Variants in TMEM117 observed in about 807,000 individuals in gnomAD.
The protein encoded by TMEM117 is transmembrane protein 117.
TMEM117 carries 27 observed loss-of-function variants against 52.4 expected under a neutral mutation model. That is an observed-to-expected ratio of 0.51 (90% CI 0.38 to 0.71). TMEM117 has a LOEUF of 0.71. Ranked by LOEUF, TMEM117 falls within the 30% of genes least tolerant of loss-of-function variation. The pLI, the probability that TMEM117 is intolerant of heterozygous loss-of-function variation, is 0.00. For synonymous variants in TMEM117, 215 were observed against 206.3 expected (o/e 1.04, Z -0.36); for missense variants, 556 against 630.5 (o/e 0.88, Z 1.26).
chr12:43,802,375 G>T, the TMEM117 span: 1 of 1,605,608 alleles, frequency 6.2e-7, no homozygotes, highest in South Asian at 1.1e-5. Flanking sequence ...TAGCATGGTT[G>T]TTTGTCCTCC....
intron 3 of TMEM117, among the ~76,000 whole-genome samples, chr12:44,064,162 A>G (rs1455661258): frequency 6.6e-6 from 1 of 152,172 alleles, no homozygotes; most frequent in Non-Finnish European, 1.5e-5. Flanking sequence ...GACAGACTTC[A>G]GGAATCAAAC....
chr12:44,185,943 A>G (rs1334833415), intron 4 of TMEM117, among the ~76,000 whole-genome samples: 1 of 150,706 alleles, frequency 6.6e-6, no homozygotes, highest in East Asian at 1.9e-4. Flanking sequence ...TAGTGTTATT[A>G]TTAGTGCCTT....
intron 3 of TMEM117, among the ~76,000 whole-genome samples, chr12:44,024,938 T>C (rs764294445): frequency 3.9e-5 from 6 of 152,116 alleles, no homozygotes; most frequent in Non-Finnish European, 7.4e-5. Flanking sequence ...CGCCTTCATC[T>C]ATTCCTAAGT....
intron 3 of TMEM117, among the ~76,000 whole-genome samples, chr12:43,997,077 A>G (rs1946043890): frequency 6.6e-6 from 1 of 152,206 alleles, no homozygotes. Flanking sequence ...GTGGCATTTT[A>G]CAAAATGTTC....
intron 3 of TMEM117, among the ~76,000 whole-genome samples, chr12:43,959,053 C>T (rs1247135672): frequency 1.3e-5 from 2 of 152,076 alleles, no homozygotes; most frequent in African/African-American, 2.4e-5. Context: ...GTGATCCGCC[C>T]GCCTTGGCCT....
chr12:44,086,360 C>T (rs1050086810), intron 3 of TMEM117, among the ~76,000 whole-genome samples: 6 of 151,776 alleles, frequency 4.0e-5, no homozygotes, highest in Admixed American at 2.6e-4. Flanking sequence ...ACTACAGGTG[C>T]GTGCCACCAC....
chr12:44,052,015 T>C (rs2137927981), intron 3 of TMEM117, among the ~76,000 whole-genome samples: 1 of 152,352 alleles, frequency 6.6e-6, no homozygotes, highest in Middle Eastern at 3.4e-3. Context: ...GTAAGCTATT[T>C]CATTTCTTTA....
intron 3 of TMEM117, among the ~76,000 whole-genome samples, chr12:44,079,144 T>C (rs1036616938): frequency 5.3e-5 from 8 of 152,138 alleles, no homozygotes; most frequent in Admixed American, 1.3e-4. Context: ...TTCAAGTCTT[T>C]GCTATTGTGA....
At chr12:43,924,679 A>G (rs906431262) in intron 2 of TMEM117, among the ~76,000 whole-genome samples, 2 of 152,196 alleles carry the variant, frequency 1.3e-5, no homozygotes, top group African/African-American at 2.4e-5. Context: ...TTGCATTATC[A>G]TATTACATTT....
chr12:44,014,729 A>AT (rs1239195856), intron 3 of TMEM117, among the ~76,000 whole-genome samples: 3 of 151,706 alleles, frequency 2.0e-5, no homozygotes, highest in African/African-American at 7.3e-5. Context: ...GGTTACTGCT[A>AT]TTTTTTCCCC....
intron 3 of TMEM117, among the ~76,000 whole-genome samples, chr12:44,088,292 G>T (rs1291915394): frequency 3.9e-5 from 6 of 152,126 alleles, no homozygotes; most frequent in Non-Finnish European, 5.9e-5. Flanking sequence ...AGTTTCACCA[G>T]TGTTTTCTCT....
At chr12:43,944,467 G>A (rs922283175) in intron 3 of TMEM117, 125 bp downstream of exon 3, 75 of 856,200 alleles carry the variant, frequency 8.8e-5, no homozygotes, top group Non-Finnish European at 1.3e-4. Context: ...AGAAGAAGGA[G>A]TATTTTATGT....
intron 4 of TMEM117, among the ~76,000 whole-genome samples, chr12:44,207,769 C>T (rs896310609): frequency 2.7e-5 from 4 of 150,908 alleles, no homozygotes; most frequent in African/African-American, 9.8e-5. Flanking sequence ...AATAAGAAAA[C>T]AAGGTGCAGA....
At position 44,388,220 on chromosome 12, in the gene TMEM117, C is replaced by T. The variant is rs867687150; in HGVS notation, c.1093C>T (p.His365Tyr). The T allele has an allele frequency of 1.9e-6, 3 of 1,613,368 alleles. No individual in the cohort carries two copies. Among genetic ancestry groups the T allele is most frequent in the Non-Finnish European group, 2.5e-6 (3 of 1,179,632 alleles). ...TKLSWEWRSN[H>Y]TNPRTNKTYV... ...GCTATCCTGGGAATGGAGGTCCAAT[C>T]ACACTAACCCTCGGACTAATAAAAC... Residue 365 changes from histidine to tyrosine, a missense_variant, in exon 8 of 8, where the codon CAC (histidine) becomes TAC (tyrosine). By Grantham distance (83) the His-to-Tyr change is moderately conservative. Transcript: ENST00000266534.
chr12:44,050,146 CTTTG>C (rs1379009735), intron 3 of TMEM117, among the ~76,000 whole-genome samples: 2 of 152,148 alleles, frequency 1.3e-5, no homozygotes, highest in Admixed American at 1.3e-4. Flanking sequence ...AGACTACAGT[CTTTG>C]TTTGCTAGAT....
chr12:43,882,076 AAAAC>A (rs1190829603), intron 2 of TMEM117, among the ~76,000 whole-genome samples: 2 of 152,088 alleles, frequency 1.3e-5, no homozygotes, highest in East Asian at 1.9e-4. Context: ...CGTCTCAAAA[AAAAC>A]AAACAAACTA....
intron 3 of TMEM117, among the ~76,000 whole-genome samples, chr12:43,993,571 A>G (rs1473268145): frequency 6.6e-6 from 1 of 152,114 alleles, no homozygotes; most frequent in Non-Finnish European, 1.5e-5. Context: ...AGGGGGGTGG[A>G]AGATATGAGG....
chr12:44,386,441 T>C (rs925695843), intron 7 of TMEM117, among the ~76,000 whole-genome samples: 5 of 152,172 alleles, frequency 3.3e-5, no homozygotes, highest in Non-Finnish European at 5.9e-5. Flanking sequence ...GGCAAGAGTT[T>C]TCATTTCAAA....
intron 2 of TMEM117, among the ~76,000 whole-genome samples, chr12:43,908,934 TCAA>T (rs1350184414): frequency 7.1e-6 from 1 of 141,586 alleles, no homozygotes; most frequent in Non-Finnish European, 1.5e-5. Context: ...ATTAGACAGA[TCAA>T]CGAGACAGAA....
Sources: allele counts gnomAD v4.1 joint callset (sites outside exome capture counted in the v4.1 genomes callset), GRCh38; gene constraint gnomAD v4.1.1; transcripts MANE v1.5; gene names NCBI Gene and HGNC (gene_info 2026-07-23, HGNC 2026-07-21).